Variants in ABCG4 observed in about 807,000 individuals in gnomAD.
ABCG4 encodes ATP-binding cassette sub-family G member 4.
A neutral mutation model predicts 64.6 loss-of-function variants in ABCG4; 35 were observed. The ratio of observed to expected loss-of-function variants is 0.54; its 90% CI spans 0.41 to 0.72. ABCG4 has a LOEUF of 0.72. Ranked by LOEUF, ABCG4 falls within the 30% of genes least tolerant of loss-of-function variation. ABCG4 has a pLI of 0.00. For missense variants in ABCG4, 610 were observed against 846.3 expected, an observed-to-expected ratio of 0.72 and a Z score of 3.46; for synonymous variants, 326 against 348.2, an observed-to-expected ratio of 0.94 and a Z score of 0.71.
At position 119,155,035 on chromosome 11, in the gene ABCG4, T is replaced by A. The variant is rs1948248029; in HGVS notation, c.686+120T>A. The A allele has an allele frequency of 7.2e-7, 1 of 1,386,932 alleles. No homozygotes were observed. Among genetic ancestry groups the A allele is most frequent in the Non-Finnish European group, 9.8e-7 (1 of 1,022,560 alleles). The allele number at this position is 1,386,932 out of a possible 1,614,324, so 85.9% of individuals were successfully genotyped here. ...TGTTCACAGCCTCCTGGGGCCAAGA[T>A]AAGGGCTTCTTCCTCATCTCCACCC... On this transcript the variant is annotated intron_variant, in intron 6 of 14. Coordinates refer to ENST00000619701, the MANE Select transcript of ABCG4 (RefSeq NM_022169.5). The surrounding 1 kb of genome is among the most constrained non-coding windows in gnomAD (Gnocchi z 4.5).
At chr11:119,153,861 G>A (rs1384362526) in intron 2 of ABCG4, 165 bp from the exon 3 acceptor site, 1 of 659,726 alleles carries the variant, frequency 1.5e-6, no homozygotes, top group Non-Finnish European at 2.7e-6. Flanking sequence ...CGGGATGAGA[G>A]GGATGGGTTC....
At position 119,149,324 on chromosome 11, in the gene ABCG4, T is replaced by G. The variant is rs1299733068; in HGVS notation, c.-52T>G. ...CTCCGTCCCCGGTCCGTGGCAGCGC[T>G]GAGCATCCCGGCCCCGCACCGGCCC... On this transcript the variant is annotated 5_prime_UTR_variant, in exon 1 of 15. Coordinates refer to ENST00000619701, the MANE Select transcript of ABCG4 (RefSeq NM_022169.5). The surrounding 1 kb of genome is among the most constrained non-coding windows in gnomAD (Gnocchi z 8.3). 1.3e-5 allele frequency: 2 copies of G among 151,358 alleles called. No homozygotes were observed. Among genetic ancestry groups the G allele is most frequent in the Non-Finnish European group, 3.0e-5 (2 of 67,782 alleles). The allele number at this position is 151,358 out of a possible 1,614,324, so 9.4% of individuals were successfully genotyped here. A position where few individuals can be genotyped will look rare whatever the true frequency, so the allele number is the denominator to read the frequency against.
chr11:119,152,066 C>T (rs768479283), intron 2 of ABCG4, among the ~76,000 whole-genome samples: 1 of 152,218 alleles, frequency 6.6e-6, no homozygotes, highest in South Asian at 2.1e-4. Context: ...GAAGGTTCGT[C>T]GTTGCCAGTT....
In ABCG4 at chr11:119,154,873, T is replaced by G; in HGVS notation, c.644T>G (p.Leu215Arg). 6.2e-7 allele frequency: 1 copy of G among 1,613,648 alleles called. No individual in the cohort carries two copies. Among genetic ancestry groups the G allele is most frequent in the Non-Finnish European group, 8.5e-7 (1 of 1,179,580 alleles). The change falls in exon 6 of 15, where the codon CTG (leucine) becomes CGG (arginine). Residue 215 changes from leucine (L) to arginine (R), a missense_variant. Physicochemically the swap from Leu to Arg is moderately radical, Grantham distance 102 (BLOSUM62 -2). Coordinates refer to ENST00000619701, the MANE Select transcript of ABCG4 (RefSeq NM_022169.5). This position sits in a 1 kb window ranked among gnomAD's most constrained non-coding sequence, Gnocchi z 7.0. The stretch of plus-strand genomic sequence containing the variant: ...AAGCGTCTGGCCATCGCCCTGGAGC[T>G]GGTCAACAACCCGCCTGTCATGTTC... Reference protein sequence around the residue: ...QRKRLAIALELVNNPPVMFFD... With the variant: ...QRKRLAIALERVNNPPVMFFD...
chr11:119,149,993 G>C lies in ABCG4; in HGVS notation c.28G>C (p.Gly10Arg). Residue 10 changes from glycine (G) to arginine (R), a missense_variant, in exon 2 of 15, where the codon GGC becomes CGC. Gly to Arg is a moderately radical substitution (Grantham distance 125). Transcript: ENST00000619701. This position sits in a 1 kb window ranked among gnomAD's most constrained non-coding sequence, Gnocchi z 8.3. Reference protein sequence around the residue: MAEKALEAVGCGLGPGAVAM... With the variant: MAEKALEAVRCGLGPGAVAM... Reference sequence around the variant, plus strand: ...GGCGGAGAAGGCGCTGGAGGCCGTGGGCTGTGGACTAGGGCCGGGGGCTGT... The same window carrying C: ...GGCGGAGAAGGCGCTGGAGGCCGTGCGCTGTGGACTAGGGCCGGGGGCTGT... 1 of 1,610,150 alleles carries C rather than the reference G, an allele frequency of 6.2e-7. No homozygotes were observed. Among genetic ancestry groups the C allele is most frequent in the Non-Finnish European group, 8.5e-7 (1 of 1,179,908 alleles).
At chr11:119,159,039 T>A in intron 12 of ABCG4, 110 bp downstream of exon 12, 1 of 1,069,634 alleles carries the variant, frequency 9.3e-7, no homozygotes, top group Non-Finnish European at 1.4e-6. Flanking sequence ...GCTGTCCTTC[T>A]ACTCACTTAG....
chr11:119,159,119 G>T lies in ABCG4; in HGVS notation c.1437+190G>T, dbSNP rs140810263. ...GCCCTAGGGATATAGCATTGAACTA[G>T]ACTGATGTAGTCTTGACCATGTGGA... On this transcript the variant is annotated intron_variant, in intron 12 of 14. Transcript: ENST00000619701. Among the ~76,000 whole-genome samples the T allele has an allele frequency of 6.8e-3, 1,042 of 152,352 alleles. 11 individuals are homozygous for T. The highest frequency in any genetic ancestry group is 0.012 in the Non-Finnish European group (813 of 68,036).
At chr11:119,157,304 G>C (rs1948278642) in intron 9 of ABCG4, among the ~76,000 whole-genome samples, 1 of 152,208 alleles carries the variant, frequency 6.6e-6, no homozygotes, top group East Asian at 1.9e-4. Flanking sequence ...TGGTAAGCAA[G>C]ATCAACATGG....
Position 119,154,015 on chromosome 11 carries a change from C to T in ABCG4, c.239-11C>T, listed in dbSNP as rs753076219. The T allele has an allele frequency of 3.1e-6, 5 of 1,612,908 alleles. No homozygotes were observed. Among genetic ancestry groups the T allele is most frequent in the Non-Finnish European group, 4.2e-6 (5 of 1,178,970 alleles). On this transcript the variant is annotated splice_polypyrimidine_tract_variant and intron_variant, in intron 2 of 14. Transcript: ENST00000619701. The surrounding 1 kb of genome is among the most constrained non-coding windows in gnomAD (Gnocchi z 7.0). ...CAGCCTGACTAAAAATTCCTCCCCA[C>T]CTCACTGCAGGTTATAAGACCCTTC...
At position 119,161,591 on chromosome 11, in the gene ABCG4, T is replaced by A. The variant is rs1948355354; in HGVS notation, c.*485T>A. ...AGTCCACTGGAAGTCCCATTATGGA[T>A]GTTGAAATGGACAGGGAAGGACTCT... On this transcript the variant is annotated 3_prime_UTR_variant, in exon 15 of 15. Transcript: ENST00000619701. 6.3e-6 allele frequency: 1 copy of A among 158,056 alleles called. No individual in the cohort carries two copies. Among genetic ancestry groups the A allele is most frequent in the Non-Finnish European group, 1.4e-5 (1 of 71,272 alleles). The allele number at this position is 158,056 out of a possible 1,614,324, so 9.8% of individuals were successfully genotyped here. A position where few individuals can be genotyped will look rare whatever the true frequency, so the allele number is the denominator to read the frequency against.
In ABCG4 at chr11:119,156,401, C is replaced by T. The variant is rs137886209; in HGVS notation, c.759C>T (p.Ile253=). ...CCCTGGCACAGGGGGGCCGTACCAT[C>T]ATCTGCACCATCCACCAGCCCAGTG... ...MKSLAQGGRT[I]ICTIHQPSAK... Residue 253 remains isoleucine, a synonymous_variant, in exon 7 of 15, where the codon ATC becomes ATT. Coordinates refer to ENST00000619701, the MANE Select transcript of ABCG4 (RefSeq NM_022169.5). This position sits in a 1 kb window ranked among gnomAD's most constrained non-coding sequence, Gnocchi z 5.5. 73 of 1,614,068 alleles carry T rather than the reference C, an allele frequency of 4.5e-5. No homozygotes were observed. Among genetic ancestry groups the T allele is most frequent in the Non-Finnish European group, 6.1e-5 (72 of 1,180,054 alleles).
rs1448663409 is a variant in ABCG4 at position 119,149,159 on chromosome 11, T to A, written c.-217T>A. 6.6e-6 allele frequency: 1 copy of A among 151,748 alleles called. No individual in the cohort carries two copies. Among genetic ancestry groups the A allele is most frequent in the South Asian group, 2.1e-4 (1 of 4,830 alleles). 9.4% of individuals were successfully genotyped at this position (151,748 alleles called of 1,614,324 possible). On this transcript the variant is annotated 5_prime_UTR_variant, in exon 1 of 15. Coordinates refer to ENST00000619701, the MANE Select transcript of ABCG4 (RefSeq NM_022169.5). This position sits in a 1 kb window ranked among gnomAD's most constrained non-coding sequence, Gnocchi z 8.3. Reference sequence around the variant, plus strand: ...GCGCGACCCCAACCGCCTCTCACCATCCTTGCCGTCTCCTCCGAGCCGAGG... The same window carrying A: ...GCGCGACCCCAACCGCCTCTCACCAACCTTGCCGTCTCCTCCGAGCCGAGG...
At position 119,154,890 on chromosome 11, in the gene ABCG4, G is replaced by C; in HGVS notation, c.661G>C (p.Val221Leu). Residue 221 changes from valine (V) to leucine (L), a missense_variant, in exon 6 of 15, where the codon GTC (valine) becomes CTC (leucine). By Grantham distance (32) the Val-to-Leu change is conservative (BLOSUM62 1). Transcript: ENST00000619701. This position sits in a 1 kb window ranked among gnomAD's most constrained non-coding sequence, Gnocchi z 7.0. ...CCTGGAGCTGGTCAACAACCCGCCT[G>C]TCATGTTCTTTGATGAGCCCACCAG... ...IALELVNNPP[V>L]MFFDEPTSGL... The C allele has an allele frequency of 6.2e-7, 1 of 1,613,052 alleles. No homozygotes were observed. The highest frequency in any genetic ancestry group is 8.5e-7 in the Non-Finnish European group (1 of 1,179,086).
At position 119,150,275 on chromosome 11, in the gene ABCG4, G is replaced by A; in HGVS notation, c.238+72G>A. 1 of 1,553,032 alleles carries A rather than the reference G, an allele frequency of 6.4e-7. No homozygotes were observed. The highest frequency in any genetic ancestry group is 2.3e-5 in the East Asian group (1 of 44,230). On this transcript the variant is annotated intron_variant, in intron 2 of 14. Coordinates refer to ENST00000619701, the MANE Select transcript of ABCG4 (RefSeq NM_022169.5). This position sits in a 1 kb window ranked among gnomAD's most constrained non-coding sequence, Gnocchi z 4.3. ...GCCTCTCCAGAAGCATGAGGCCTGG[G>A]TGTCCCATGTTCGGAAAGTCCTGCA...
Position 119,158,960 on chromosome 11 carries a change from C to T in ABCG4, c.1437+31C>T, listed in dbSNP as rs749585566. 11 of 1,597,398 alleles carry T rather than the reference C, an allele frequency of 6.9e-6. No homozygotes were observed. The highest frequency in any genetic ancestry group is 1.1e-5 in the South Asian group (1 of 90,758). ...CCTCTTCCTCCCACCTGCCCACTGC[C>T]TCCATCTTGTCTTGCTCCTTCTATC... On this transcript the variant is annotated intron_variant, in intron 12 of 14. Transcript: ENST00000619701. The surrounding 1 kb of genome is among the most constrained non-coding windows in gnomAD (Gnocchi z 4.5).
chr11:119,158,569 C>T lies in ABCG4; in HGVS notation c.1180C>T (p.Leu394=). The T allele has an allele frequency of 6.2e-7, 1 of 1,614,216 alleles. No individual in the cohort carries two copies. Among genetic ancestry groups the T allele is most frequent in the Non-Finnish European group, 8.5e-7 (1 of 1,180,016 alleles). Residue 394 remains leucine, a synonymous_variant, in exon 11 of 15, where the codon CTA becomes TTA. Transcript: ENST00000619701. The surrounding 1 kb of genome is among the most constrained non-coding windows in gnomAD (Gnocchi z 4.5). ...GACCCCTCCCAAGGTCCTGACCCAC[C>T]TACGGTTCATGTCCCACGTGGTTAT... The part of the protein sequence containing the change: ...SILRDTVLTH[L]RFMSHVVIGV...
chr11:119,160,783 AC>A lies in ABCG4; in HGVS notation c.1716-94del. On this transcript the variant is annotated intron_variant, in intron 14 of 14. Coordinates refer to ENST00000619701, the MANE Select transcript of ABCG4 (RefSeq NM_022169.5). The surrounding 1 kb of genome is among the most constrained non-coding windows in gnomAD (Gnocchi z 4.6). The stretch of plus-strand genomic sequence containing the variant: ...CTTTGGGCAGGGGCACCCTGGCTGC[AC>A]CCCAGGGATGACAGCATTGCAGCTG... 2 of 1,491,518 alleles carry A rather than the reference AC, an allele frequency of 1.3e-6. No individual in the cohort carries two copies. The highest frequency in any genetic ancestry group is 1.9e-6 in the Non-Finnish European group (2 of 1,078,798). 92.4% of individuals were successfully genotyped at this position (1,491,518 alleles called of 1,614,324 possible). A position where few individuals can be genotyped will look rare whatever the true frequency, so the allele number is the denominator to read the frequency against.
rs1948261401 is a variant in ABCG4, at chr11:119,156,213, G to A, written c.687-116G>A. On this transcript the variant is annotated intron_variant, in intron 6 of 14. Coordinates refer to ENST00000619701, the MANE Select transcript of ABCG4 (RefSeq NM_022169.5). The surrounding 1 kb of genome is among the most constrained non-coding windows in gnomAD (Gnocchi z 5.5). The stretch of plus-strand genomic sequence containing the variant: ...ACCGTAAAGGATACAGATGCGGCCA[G>A]AGTGCCCTCTTCCTGCCAGCTTCAT... The A allele has an allele frequency of 7.2e-7, 1 of 1,395,582 alleles. No individual in the cohort carries two copies. The highest frequency in any genetic ancestry group is 2.3e-5 in the East Asian group (1 of 43,638). 86.4% of individuals were successfully genotyped at this position (1,395,582 alleles called of 1,614,324 possible). A position where few individuals can be genotyped will look rare whatever the true frequency, so the allele number is the denominator to read the frequency against.
At position 119,156,781 on chromosome 11, in the gene ABCG4, G is replaced by C. The variant is rs556053555; in HGVS notation, c.926-91G>C. 3.2e-6 allele frequency: 5 copies of C among 1,587,108 alleles called. No individual in the cohort carries two copies. The highest frequency in any genetic ancestry group is 4.3e-6 in the Non-Finnish European group (5 of 1,159,770). ...TCCTAGGGGTAGAGATCTCACCGTC[G>C]CCTGCCTTCCCCACACACCCAAGGC... is the stretch of plus-strand genomic sequence containing the variant. On this transcript the variant is annotated intron_variant, in intron 8 of 14. Transcript: ENST00000619701. The surrounding 1 kb of genome is among the most constrained non-coding windows in gnomAD (Gnocchi z 5.5).
Sources: gnomAD v4.1 joint callset for allele counts (sites outside exome capture counted in the v4.1 genomes callset) on GRCh38, gnomAD v4.1.1 for gene constraint, Gnocchi (gnomAD v3.1) non-coding constraint, MANE v1.5 for transcripts, NCBI Gene and HGNC (gene_info 2026-07-23, HGNC 2026-07-21) for gene names.